SDHAF3: variants seen among roughly 807,000 people sequenced by gnomAD.
SDHAF3 encodes succinate dehydrogenase complex assembly factor 3.
Under a neutral mutation model 11.5 loss-of-function variants are expected in SDHAF3, and 18 were observed. That is an observed-to-expected ratio of 1.56 (90% CI 1.08 to 2.32). The LOEUF (loss-of-function observed/expected upper bound fraction) is 2.32. Ranked by LOEUF, SDHAF3 falls within the 30% of genes most tolerant of loss-of-function variation. SDHAF3 has a pLI of 0.00. For missense variants in SDHAF3, 200 were observed against 154.4 expected (o/e 1.30, Z -1.57); for synonymous variants, 72 against 59.3 (o/e 1.21, Z -0.99).
At chr7:97,133,153 C>T (rs755747490) in intron 1 of SDHAF3, among the ~76,000 whole-genome samples, 2 of 151,728 alleles carry the variant, frequency 1.3e-5, no homozygotes, top group East Asian at 1.9e-4. Context: ...TAAGAAACAC[C>T]GAGTGGGATC....
At chr7:97,149,593 CTAAG>C (rs753597902) in intron 1 of SDHAF3, among the ~76,000 whole-genome samples, 2 of 152,132 alleles carry the variant, frequency 1.3e-5, no homozygotes, top group Non-Finnish European at 2.9e-5. Flanking sequence ...CTATTATCTA[CTAAG>C]TGTGTCGTAG....
chr7:97,122,610 A>C (rs775700666), intron 1 of SDHAF3, among the ~76,000 whole-genome samples: 1 of 152,094 alleles, frequency 6.6e-6, no homozygotes, highest in Non-Finnish European at 1.5e-5. Flanking sequence ...GGTTTGGAGC[A>C]TGATACCAGT....
At chr7:97,141,755 A>G (rs1268102379) in intron 1 of SDHAF3, among the ~76,000 whole-genome samples, 1 of 152,016 alleles carries the variant, frequency 6.6e-6, no homozygotes, top group Non-Finnish European at 1.5e-5. Context: ...TGGCCTCCCA[A>G]AGTGCTGGGA....
chr7:97,156,356 A>G (rs1161908844), intron 1 of SDHAF3, among the ~76,000 whole-genome samples: 1 of 152,212 alleles, frequency 6.6e-6, no homozygotes, highest in Non-Finnish European at 1.5e-5. Context: ...CATTCCCACC[A>G]TATCAGGTGT....
At chr7:97,126,888 C>G (rs932552083) in intron 1 of SDHAF3, among the ~76,000 whole-genome samples, 1 of 151,868 alleles carries the variant, frequency 6.6e-6, no homozygotes. Context: ...GGTGTCTGCC[C>G]GAATAGCTGC....
Position 97,128,615 on chromosome 7 carries a change from G to A in SDHAF3, c.174+10718G>A, listed in dbSNP as rs191359341. On this transcript the variant is annotated intron_variant, in intron 1 of 1. Coordinates refer to ENST00000432641, the MANE Select transcript of SDHAF3 (RefSeq NM_020186.3). ...TAGGTAATGTGCAATCTTAAAATTTGAAGTTTTTGTACAAATTTAAGGTGA... is the reference window on the plus strand; with the variant it reads ...TAGGTAATGTGCAATCTTAAAATTTAAAGTTTTTGTACAAATTTAAGGTGA... Among the ~76,000 whole-genome samples the A allele has an allele frequency of 1.1e-4, 17 of 152,150 alleles. No homozygotes were observed. The East Asian group carries it at 3.1e-3, about 28-fold the overall frequency.
chr7:97,123,430 A>G (rs1414323824), intron 1 of SDHAF3, among the ~76,000 whole-genome samples: 1 of 152,108 alleles, frequency 6.6e-6, no homozygotes, highest in Non-Finnish European at 1.5e-5. Context: ...AGTCTTTGCT[A>G]TTGTAAATAG....
intron 1 of SDHAF3, among the ~76,000 whole-genome samples, chr7:97,158,465 T>A (rs536966446): frequency 8.2e-4 from 125 of 152,196 alleles, no homozygotes; most frequent in African/African-American, 3.0e-3. Context: ...GTAGCTAGGA[T>A]TACAGGTGCC....
At chr7:97,123,090 G>A (rs1173239038) in intron 1 of SDHAF3, among the ~76,000 whole-genome samples, 4 of 152,022 alleles carry the variant, frequency 2.6e-5, no homozygotes, top group African/African-American at 7.2e-5. Context: ...AACCCATCAT[G>A]TAGGTTTTAA....
intron 1 of SDHAF3, among the ~76,000 whole-genome samples, chr7:97,165,453 T>C (rs1309040132): frequency 6.8e-6 from 1 of 147,204 alleles, no homozygotes; most frequent in Admixed American, 7.1e-5. Flanking sequence ...AAATCAACAT[T>C]TGACTTTCAA....
chr7:97,181,389 A>AAAACTATT lies in SDHAF3; in HGVS notation c.*175_*182dup. On this transcript the variant is annotated 3_prime_UTR_variant, in exon 2 of 2. Coordinates refer to ENST00000432641, the MANE Select transcript of SDHAF3 (RefSeq NM_020186.3). ...TCAAGATCACTAGTGACAATTGAAAAAAACTATTGGAATAATAGCACTTGT... is the reference window on the plus strand; with the variant it reads ...TCAAGATCACTAGTGACAATTGAAAAAAACTATTAAACTATTGGAATAATAGCACTTGT... The AAAACTATT allele has an allele frequency of 2.0e-6, 1 of 496,116 alleles. No individual in the cohort carries two copies. The allele number at this position is 496,116 out of a possible 1,614,324, so 30.7% of individuals were successfully genotyped here.
intron 1 of SDHAF3, among the ~76,000 whole-genome samples, chr7:97,131,354 G>C: frequency 6.6e-6 from 1 of 152,148 alleles, no homozygotes; most frequent in Non-Finnish European, 1.5e-5. Context: ...TATTATTTAA[G>C]TAATAATTTG....
At chr7:97,132,352 G>T (rs183482693) in intron 1 of SDHAF3, among the ~76,000 whole-genome samples, 1 of 152,116 alleles carries the variant, frequency 6.6e-6, no homozygotes, top group Non-Finnish European at 1.5e-5. Flanking sequence ...AAATCTAAAC[G>T]TGTAGATTCA....
At chr7:97,177,184 A>G (rs1789690941) in intron 1 of SDHAF3, among the ~76,000 whole-genome samples, 1 of 152,098 alleles carries the variant, frequency 6.6e-6, no homozygotes, top group African/African-American at 2.4e-5. Flanking sequence ...TAAAATATTC[A>G]TTAAAATTCA....
intron 1 of SDHAF3, among the ~76,000 whole-genome samples, chr7:97,177,468 C>T (rs992199452): frequency 6.6e-6 from 1 of 152,062 alleles, no homozygotes; most frequent in African/African-American, 2.4e-5. Flanking sequence ...CGCCACTGCA[C>T]TCCAGCTTGG....
intron 1 of SDHAF3, 56 bp downstream of exon 1, chr7:97,117,953 G>A: frequency 6.3e-7 from 1 of 1,588,084 alleles, no homozygotes; most frequent in Non-Finnish European, 8.6e-7. Context: ...CGGTGTCCAG[G>A]TTTCTAGTTC....
At chr7:97,131,470 A>G (rs558623940) in intron 1 of SDHAF3, among the ~76,000 whole-genome samples, 2 of 152,136 alleles carry the variant, frequency 1.3e-5, no homozygotes, top group Non-Finnish European at 2.9e-5. Flanking sequence ...TAACTGTTAA[A>G]CTTTTTAAAT....
At chr7:97,163,553 G>T (rs566559042) in intron 1 of SDHAF3, among the ~76,000 whole-genome samples, 9 of 152,166 alleles carry the variant, frequency 5.9e-5, no homozygotes, top group Non-Finnish European at 1.3e-4. Context: ...GTCCTTGCAC[G>T]TGAGATGGAT....
chr7:97,180,992 T>C lies in SDHAF3; in HGVS notation c.175-20T>C, dbSNP rs1299422459. 6.3e-7 allele frequency: 1 copy of C among 1,597,444 alleles called. No homozygotes were observed. The highest frequency in any genetic ancestry group is 1.3e-5 in the African/African-American group (1 of 74,076). On this transcript the variant is annotated intron_variant, in intron 1 of 1. Transcript: ENST00000432641. The stretch of plus-strand genomic sequence containing the variant: ...TTATTTAAACTTTACATCTATAACC[T>C]TCATTCTTTATCTTTTTAGGTGTAT...
Sources: gnomAD v4.1 joint callset for allele counts (sites outside exome capture counted in the v4.1 genomes callset) on GRCh38, gnomAD v4.1.1 for gene constraint, MANE v1.5 for transcripts, NCBI Gene and HGNC (gene_info 2026-07-23, HGNC 2026-07-21) for gene names.